Variants in GNAQ observed in about 807,000 individuals in gnomAD.
GNAQ encodes G protein subunit alpha q.
Under a neutral mutation model 43.9 loss-of-function variants are expected in GNAQ, and 8 were observed. The ratio of observed to expected loss-of-function variants is 0.18; its 90% confidence interval spans 0.11 to 0.33. GNAQ has a LOEUF of 0.33. Ranked by LOEUF, GNAQ falls within the 10% of genes least tolerant of loss-of-function variation. GNAQ has a pLI of 1.00. For synonymous variants in GNAQ, 155 were observed against 170.7 expected (o/e 0.91, Z 0.71); for missense variants, 158 against 450.8 (o/e 0.35, Z 5.88).
chr9:77,853,790 A>C (rs1017992606), intron 2 of GNAQ, among the ~76,000 whole-genome samples: 16 of 150,712 alleles, frequency 1.1e-4, no homozygotes, highest in East Asian at 3.9e-4. Context: ...AAAAAAAAAA[A>C]AAAAAAAAAA....
intron 3 of GNAQ, among the ~76,000 whole-genome samples, chr9:77,800,756 C>T (rs1179130140): frequency 1.3e-5 from 2 of 152,062 alleles, no homozygotes; most frequent in Non-Finnish European, 2.9e-5. Flanking sequence ...TCAAGTAATT[C>T]AAAACAACAA....
intron 5 of GNAQ, among the ~76,000 whole-genome samples, chr9:77,779,573 T>C (rs975883547): frequency 2.7e-5 from 4 of 148,946 alleles, no homozygotes; most frequent in African/African-American, 9.9e-5. Context: ...CAGAAATCTA[T>C]GAAATTGAAA....
At chr9:77,955,908 C>T (rs1040737315) in intron 1 of GNAQ, among the ~76,000 whole-genome samples, 15 of 152,272 alleles carry the variant, frequency 9.9e-5, no homozygotes, top group African/African-American at 3.6e-4. Flanking sequence ...TCACTTATTT[C>T]AAGACCAAGA....
At chr9:78,026,893 C>T (rs566881917) in intron 1 of GNAQ, among the ~76,000 whole-genome samples, 140 of 152,274 alleles carry the variant, frequency 9.2e-4, no homozygotes, top group Non-Finnish European at 1.8e-3. Context: ...GTTTTCCTCA[C>T]GTTATTGTAT....
chr9:77,795,892 C>A (rs1373513113), intron 4 of GNAQ, among the ~76,000 whole-genome samples: 3 of 152,136 alleles, frequency 2.0e-5, no homozygotes, highest in East Asian at 1.9e-4. Context: ...ACTTCAAAAG[C>A]CAGTGTACAA....
At chr9:77,811,386 A>G (rs537923497) in intron 3 of GNAQ, among the ~76,000 whole-genome samples, 10 of 152,236 alleles carry the variant, frequency 6.6e-5, no homozygotes, top group African/African-American at 2.2e-4. Flanking sequence ...AGGAGGCAAT[A>G]TAACATACTG....
chr9:77,994,004 C>T (rs528685067), intron 1 of GNAQ, among the ~76,000 whole-genome samples: 2 of 152,140 alleles, frequency 1.3e-5, no homozygotes, highest in Non-Finnish European at 2.9e-5. Flanking sequence ...TATTGAGGGG[C>T]TTTGGGTTTT....
At chr9:77,957,949 G>A (rs1329561386) in intron 1 of GNAQ, among the ~76,000 whole-genome samples, 8 of 152,218 alleles carry the variant, frequency 5.3e-5, no homozygotes, top group Non-Finnish European at 7.4e-5. Flanking sequence ...CATTTTAAAC[G>A]GCAGGCATTT....
intron 1 of GNAQ, among the ~76,000 whole-genome samples, chr9:78,009,309 GCCA>G (rs146670150): frequency 7.9e-5 from 12 of 151,914 alleles, no homozygotes; most frequent in Non-Finnish European, 1.6e-4. Context: ...CCCGCCACCT[GCCA>G]CCACCACCAC....
At chr9:77,986,544 C>T (rs1191027864) in intron 1 of GNAQ, among the ~76,000 whole-genome samples, 5 of 152,214 alleles carry the variant, frequency 3.3e-5, no homozygotes, top group South Asian at 2.1e-4. Context: ...CTCGTTCTGT[C>T]GCCCAGGCTA....
At chr9:77,814,341 G>C (rs952199152) in intron 3 of GNAQ, among the ~76,000 whole-genome samples, 4 of 152,078 alleles carry the variant, frequency 2.6e-5, no homozygotes, top group South Asian at 2.1e-4. Context: ...CCAGAAATGA[G>C]AAGAACTATA....
At chr9:77,857,930 CTTTT>C (rs1554721084) in intron 2 of GNAQ, among the ~76,000 whole-genome samples, 5 of 149,032 alleles carry the variant, frequency 3.4e-5, no homozygotes, top group Non-Finnish European at 7.5e-5. Flanking sequence ...CATCAGGCTT[CTTTT>C]TATTTCCTTA....
chr9:77,972,691 C>T (rs1458844009), intron 1 of GNAQ, among the ~76,000 whole-genome samples: 1 of 152,118 alleles, frequency 6.6e-6, no homozygotes, highest in Non-Finnish European at 1.5e-5. Flanking sequence ...CGGTAGCTCA[C>T]ACCTGTAATC....
Position 77,719,017 on chromosome 9 carries a change from G to A in GNAQ, c.*2306C>T, listed in dbSNP as rs1312577296. ...CGACTGATTTTATGTATTTTGCTAT[G>A]AAATTACCTTTGGGTCTTATAATCA... On this transcript the variant is annotated 3_prime_UTR_variant, in exon 7 of 7. Coordinates refer to ENST00000286548, the MANE Select transcript of GNAQ (RefSeq NM_002072.5). 1 of 231,702 alleles carries A rather than the reference G, an allele frequency of 4.3e-6. No homozygotes were observed. The highest frequency in any genetic ancestry group is 8.5e-6 in the Non-Finnish European group (1 of 117,382). 14.4% of individuals were successfully genotyped at this position (231,702 alleles called of 1,614,324 possible).
chr9:77,751,305 A>G (rs528148038), intron 5 of GNAQ, among the ~76,000 whole-genome samples: 1 of 152,286 alleles, frequency 6.6e-6, no homozygotes, highest in South Asian at 2.1e-4. Context: ...TTTTCTCTGA[A>G]AGTATTGCTA....
In GNAQ at chr9:77,725,579, TAAAAAAA is replaced by T. The variant is rs55766160; in HGVS notation, c.889+2928_889+2934del. Reference sequence around the variant, plus strand: ...TATGTATACTGGGGTAAGGTAACAGTAAAAAAAAAAAAAAAAAAAAAAAAAAGTCTTC... The same window carrying T: ...TATGTATACTGGGGTAAGGTAACAGTAAAAAAAAAAAAAAAAAAAGTCTTC... On this transcript the variant is annotated intron_variant, in intron 6 of 6. Coordinates refer to ENST00000286548, the MANE Select transcript of GNAQ (RefSeq NM_002072.5). Among the ~76,000 whole-genome samples the T allele has an allele frequency of 3.5e-4, 20 of 57,142 alleles. 1 individual carries two copies. Among genetic ancestry groups the T allele is most frequent in the South Asian group, 1.5e-3 (2 of 1,306 alleles). The allele number at this position is 57,142 out of a possible 152,430, so 37.5% of individuals were successfully genotyped here.
intron 2 of GNAQ, among the ~76,000 whole-genome samples, chr9:77,865,505 G>A (rs1382216433): frequency 6.6e-6 from 1 of 152,166 alleles, no homozygotes; most frequent in Non-Finnish European, 1.5e-5. Flanking sequence ...TAAATACCAA[G>A]GAGCAAAGTC....
chr9:77,907,816 C>T (rs151173052), intron 2 of GNAQ, among the ~76,000 whole-genome samples: 20 of 152,258 alleles, frequency 1.3e-4, no homozygotes, highest in African/African-American at 4.6e-4. Context: ...CCTGGGGACA[C>T]GGCAGTAACT....
At chr9:77,912,236 C>T (rs79958348) in intron 2 of GNAQ, among the ~76,000 whole-genome samples, 9,608 of 152,088 alleles carry the variant, frequency 0.063, 338 homozygotes, top group African/African-American at 0.08. Context: ...TGGAGAGTCC[C>T]GAAACAAACT....
Sources: gnomAD v4.1 joint callset for allele counts (sites outside exome capture counted in the v4.1 genomes callset) on GRCh38, gnomAD v4.1.1 for gene constraint, MANE v1.5 for transcripts, NCBI Gene and HGNC (gene_info 2026-07-23, HGNC 2026-07-21) for gene names.